Variants in ZNF254 observed in about 807,000 individuals in gnomAD.
ZNF254 encodes the protein zinc finger protein 254, also known as CTD-2017D11.1.
Under a neutral mutation model 12.4 loss-of-function variants are expected in ZNF254, and 10 were observed. That is an observed-to-expected ratio of 0.80 (90% CI 0.50 to 1.36). ZNF254 has a LOEUF of 1.36. Among genes scored for constraint, ZNF254 ranks in the 40% most tolerant of loss-of-function variants. The pLI is 0.00. For missense variants in ZNF254, 996 were observed against 763.9 expected (o/e 1.30, Z -3.58); for synonymous variants, 305 against 253.4 (o/e 1.20, Z -1.93).
At chr19:24,098,110 A>G (rs1972779610) in intron 1 of ZNF254, among the ~76,000 whole-genome samples, 2 of 152,320 alleles carry the variant, frequency 1.3e-5, no homozygotes, top group South Asian at 4.1e-4. Context: ...AATGTTTAAA[A>G]ATTCCACATA....
chr19:24,122,675 C>T (rs1019576816), intron 3 of ZNF254, among the ~76,000 whole-genome samples: 6 of 148,328 alleles, frequency 4.0e-5, no homozygotes, highest in East Asian at 2.0e-4. Flanking sequence ...CTTTATAGTT[C>T]GTACAATATT....
chr19:24,105,343 G>T, intron 1 of ZNF254: 3 of 214,474 alleles, frequency 1.4e-5, no homozygotes, highest in South Asian at 6.6e-5. Context: ...TTTGTTTACA[G>T]GCTAGAAAAA....
intron 3 of ZNF254, among the ~76,000 whole-genome samples, chr19:24,117,939 A>G (rs1013135801): frequency 2.0e-5 from 3 of 151,882 alleles, no homozygotes; most frequent in South Asian, 4.1e-4. Flanking sequence ...CATAAATGTA[A>G]TTGCTGTATT....
At chr19:24,044,434 A>C (rs1217372003) in intron 1 of ZNF254, among the ~76,000 whole-genome samples, 1 of 151,828 alleles carries the variant, frequency 6.6e-6, no homozygotes, top group Non-Finnish European at 1.5e-5. Flanking sequence ...GCTACTTGGG[A>C]GGCTGAGGCA....
rs554929536 is a variant in ZNF254 at position 24,129,903 on chromosome 19, T to C, written c.*1923T>C. Reference sequence around the variant, plus strand: ...TTTGCCTGCAAGCACATATGGACTCTTAGAATTGATTTACATAAAATTAAA... The same window carrying C: ...TTTGCCTGCAAGCACATATGGACTCCTAGAATTGATTTACATAAAATTAAA... On this transcript the variant is annotated 3_prime_UTR_variant, in exon 4 of 4. Coordinates refer to ENST00000357002, the MANE Select transcript of ZNF254 (RefSeq NM_203282.4). The C allele has an allele frequency of 1.3e-5, 2 of 152,118 alleles. No homozygotes were observed. The highest frequency in any genetic ancestry group is 2.9e-5 in the Non-Finnish European group (2 of 68,008). The allele number at this position is 152,118 out of a possible 1,614,324, so 9.4% of individuals were successfully genotyped here.
intron 1 of ZNF254, among the ~76,000 whole-genome samples, chr19:24,089,975 A>T (rs1972268288): frequency 6.6e-6 from 1 of 151,132 alleles, no homozygotes; most frequent in South Asian, 2.1e-4. Context: ...TGGATCACGA[A>T]GTCAGGAGTT....
chr19:24,088,964 C>CTTTTTTTTTTT (rs74175785), intron 1 of ZNF254, among the ~76,000 whole-genome samples: 1 of 99,288 alleles, frequency 1.0e-5, no homozygotes, highest in African/African-American at 5.4e-5. Context: ...GCCAATTAAT[C>CTTTTTTTTTTT]TTTTTTTTTT....
chr19:24,106,414 A>G (rs1323773729), intron 2 of ZNF254, 134 bp from the exon 3 acceptor site: 1 of 652,856 alleles, frequency 1.5e-6, no homozygotes, highest in African/African-American at 2.0e-5. Flanking sequence ...AATATTTAAA[A>G]ATTTCTGTTA....
intron 3 of ZNF254, among the ~76,000 whole-genome samples, chr19:24,119,949 A>C (rs919746654): frequency 3.3e-5 from 5 of 152,020 alleles, no homozygotes; most frequent in African/African-American, 1.2e-4. Context: ...TTTGTTTTGC[A>C]TACTTTCTAT....
chr19:24,035,088 AG>A, intron 1 of ZNF254, among the ~76,000 whole-genome samples: 1 of 152,314 alleles, frequency 6.6e-6, no homozygotes, highest in African/African-American at 2.4e-5. Flanking sequence ...TGGGAAGGGG[AG>A]GGAGGGATAG....
At chr19:24,122,305 A>G (rs1298197444) in intron 3 of ZNF254, among the ~76,000 whole-genome samples, 3 of 151,786 alleles carry the variant, frequency 2.0e-5, no homozygotes, top group Non-Finnish European at 4.4e-5. Context: ...GCTCAGTGCA[A>G]CCTCCACCTC....
At chr19:24,116,391 AATTCTTTTT>A (rs1414036450) in intron 3 of ZNF254, among the ~76,000 whole-genome samples, 1 of 151,674 alleles carries the variant, frequency 6.6e-6, no homozygotes, top group Non-Finnish European at 1.5e-5. Context: ...GGCTTTTTTC[AATTCTTTTT>A]ATTCTTTTTT....
At chr19:24,073,799 G>C (rs1044622824) in intron 2 of ZNF254, among the ~76,000 whole-genome samples, 1 of 152,210 alleles carries the variant, frequency 6.6e-6, no homozygotes, top group African/African-American at 2.4e-5. Flanking sequence ...TGTAACTGAT[G>C]TACTCAGACT....
chr19:24,066,501 C>G (rs1971273137), intron 2 of ZNF254: 1 of 152,186 alleles, frequency 6.6e-6, no homozygotes. Context: ...CTGGGTTTAA[C>G]ACTCAGGTGA....
At chr19:24,110,891 C>T (rs1428359866) in intron 3 of ZNF254, among the ~76,000 whole-genome samples, 2 of 150,740 alleles carry the variant, frequency 1.3e-5, no homozygotes, top group Non-Finnish European at 3.0e-5. Flanking sequence ...TCTTTATTTT[C>T]CATTTCAGTA....
At chr19:24,060,963 G>T (rs1971042718) in intron 2 of ZNF254, among the ~76,000 whole-genome samples, 1 of 152,156 alleles carries the variant, frequency 6.6e-6, no homozygotes, top group South Asian at 2.1e-4. Context: ...TTTGACTCCT[G>T]CCTGGGCCCT....
intron 2 of ZNF254, chr19:24,066,419 G>A (rs1971270677): frequency 6.6e-6 from 1 of 152,154 alleles, no homozygotes; most frequent in Admixed American, 6.6e-5. Flanking sequence ...GTGACATATT[G>A]CTGGGCCCTG....
intron 2 of ZNF254, among the ~76,000 whole-genome samples, chr19:24,077,477 ACT>A (rs1318237749): frequency 6.6e-6 from 1 of 152,072 alleles, no homozygotes; most frequent in Non-Finnish European, 1.5e-5. Context: ...CATTGCAGGG[ACT>A]CTGGTTTCTT....
At position 24,087,188 on chromosome 19, in the gene ZNF254, C is replaced by T. The variant is rs947240415; in HGVS notation, c.-120C>T. 14 of 1,308,930 alleles carry T rather than the reference C, an allele frequency of 1.1e-5. No individual in the cohort carries two copies. The highest frequency in any genetic ancestry group is 6.0e-5 in the Admixed American group (3 of 50,386). 81.1% of individuals were successfully genotyped at this position (1,308,930 alleles called of 1,614,324 possible). ...AAGCGGCTTCCGGGATATGGCGGGG[C>T]CTTTGTCTCTCGCTGTCGCCGGAGT... is the stretch of plus-strand genomic sequence containing the variant. On this transcript the variant is annotated 5_prime_UTR_variant, in exon 1 of 4. Coordinates refer to ENST00000357002, the MANE Select transcript of ZNF254 (RefSeq NM_203282.4).
Sources: gnomAD v4.1 joint callset for allele counts (sites outside exome capture counted in the v4.1 genomes callset) on GRCh38, gnomAD v4.1.1 for gene constraint, MANE v1.5 for transcripts, NCBI Gene and HGNC (gene_info 2026-07-23, HGNC 2026-07-21) for gene names.